The following MOV10L1 variants were observed in gnomAD, a reference collection of about 807,000 sequenced individuals.
The protein encoded by MOV10L1 is Mov10 like RNA helicase 1.
MOV10L1 carries 110 observed loss-of-function variants against 143.8 expected under a neutral mutation model. The ratio of observed to expected loss-of-function variants is 0.76; its 90% CI spans 0.66 to 0.90. MOV10L1 has a LOEUF of 0.90. Among genes scored for constraint, MOV10L1 ranks in the 40% least tolerant of loss-of-function variants. The probability of loss-of-function intolerance (pLI) is 0.00; values close to 1 mark genes in which losing one functional copy is unlikely to be tolerated. For synonymous variants in MOV10L1, 593 were observed against 581.1 expected (o/e 1.02, Z -0.29); for missense variants, 1,406 against 1,526.8 (o/e 0.92, Z 1.32).
intron 13 of MOV10L1, among the ~76,000 whole-genome samples, chr22:50,131,172 T>G (rs2062667930): frequency 6.6e-6 from 1 of 151,768 alleles, no homozygotes. Flanking sequence ...CCTCCCAAAG[T>G]GCTGGGATTA....
Position 50,090,070 on chromosome 22 carries a change from C to CGGG in MOV10L1, c.-19_-18insGGG. ...GCGGCGGCAGCGGCGGTGACGGCAGCCTAGGCCGGGCGAGGGCCATGCTGA... is the reference window on the plus strand; with the variant it reads ...GCGGCGGCAGCGGCGGTGACGGCAGCGGGCTAGGCCGGGCGAGGGCCATGCTGA... On this transcript the variant is annotated 5_prime_UTR_variant, in exon 1 of 27. Coordinates refer to ENST00000262794, the MANE Select transcript of MOV10L1 (RefSeq NM_018995.3). 1 of 1,231,564 alleles carries CGGG rather than the reference C, an allele frequency of 8.1e-7. No homozygotes were observed. 76.3% of individuals were successfully genotyped at this position (1,231,564 alleles called of 1,614,324 possible). A position where few individuals can be genotyped will look rare whatever the true frequency, so the allele number is the denominator to read the frequency against.
chr22:50,095,400 T>C (rs892708210), intron 2 of MOV10L1: 2 of 152,230 alleles, frequency 1.3e-5, no homozygotes, highest in Non-Finnish European at 2.9e-5. Flanking sequence ...AATTATTTAA[T>C]TATATTTTTT....
At chr22:50,118,364 A>G (rs1018864131) in intron 9 of MOV10L1, among the ~76,000 whole-genome samples, 4 of 152,158 alleles carry the variant, frequency 2.6e-5, no homozygotes, top group African/African-American at 9.7e-5. Flanking sequence ...TCAGACATGT[A>G]AAATGTGCAG....
chr22:50,140,729 C>CTTTTTT (rs3042026), intron 15 of MOV10L1, among the ~76,000 whole-genome samples: 1 of 147,670 alleles, frequency 6.8e-6, no homozygotes, highest in Non-Finnish European at 1.5e-5. Flanking sequence ...TAACGTGAAA[C>CTTTTTT]TTTTTTTTTT....
Position 50,108,760 on chromosome 22 carries a change from G to A in MOV10L1, c.659G>A (p.Gly220Asp), listed in dbSNP as rs1481947251. The A allele has an allele frequency of 6.2e-7, 1 of 1,614,196 alleles. No homozygotes were observed. The highest frequency in any genetic ancestry group is 1.1e-5 in the South Asian group (1 of 91,082). The change falls in exon 5 of 27, where the codon GGT becomes GAT. Residue 220 changes from glycine (G) to aspartate (D), a missense_variant. Physicochemically the swap from Gly to Asp is moderately conservative, Grantham distance 94. This residue lies in a region of MOV10L1 where 1,233 missense variants were observed against 1,351.4 expected (regional missense o/e 0.91). Transcript: ENST00000262794. ...CCAGATGGGTACACACCCCGGAGAG[G>A]TGACGTGGTCAATGCAGTGGTGGTG... Reference protein sequence around the residue: ...KLPDGYTPRRGDVVNAVVVES... With the variant: ...KLPDGYTPRRDDVVNAVVVES...
chr22:50,154,402 A>T (rs4838854), intron 22 of MOV10L1, among the ~76,000 whole-genome samples: 415 of 147,130 alleles, frequency 2.8e-3, no homozygotes, highest in African/African-American at 5.7e-3. Context: ...TTAAAAAAAA[A>T]TTTTTTTTTT....
intron 5 of MOV10L1, 78 bp from the exon 6 acceptor site, chr22:50,113,570 C>G: frequency 6.4e-7 from 1 of 1,551,838 alleles, no homozygotes; most frequent in Admixed American, 1.9e-5. Flanking sequence ...CACCAGCAGT[C>G]TATCCTCAGG....
chr22:50,114,767 C>T, intron 7 of MOV10L1, 145 bp downstream of exon 7: 1 of 1,254,624 alleles, frequency 8.0e-7, no homozygotes, highest in Non-Finnish European at 1.1e-6. Context: ...GGCTTCAGGC[C>T]CTTCTCTTGC....
At chr22:50,126,300 G>T (rs1405441744) in intron 12 of MOV10L1, 28 bp downstream of exon 12, 2 of 1,550,124 alleles carry the variant, frequency 1.3e-6, no homozygotes, top group Non-Finnish European at 1.8e-6. Flanking sequence ...TAATGAGTTT[G>T]TGTTAGACAC....
intron 10 of MOV10L1, among the ~76,000 whole-genome samples, chr22:50,120,962 C>G (rs1273628956): frequency 6.6e-6 from 1 of 152,214 alleles, no homozygotes. Context: ...GTGTTCTAGC[C>G]TTTTACCATC....
chr22:50,110,020 G>T (rs181875105), intron 5 of MOV10L1, among the ~76,000 whole-genome samples: 1 of 152,018 alleles, frequency 6.6e-6, no homozygotes, highest in Non-Finnish European at 1.5e-5. Flanking sequence ...GTGGTGGCAG[G>T]CACCTGTAAT....
chr22:50,099,373 A>C (rs2062677840), intron 2 of MOV10L1, 70 bp from the exon 3 acceptor site: 1 of 1,538,304 alleles, frequency 6.5e-7, no homozygotes, highest in Admixed American at 1.8e-5. Flanking sequence ...TCAGACAGGC[A>C]TGCCAGCCTG....
chr22:50,122,899 T>C (rs937934116), intron 10 of MOV10L1, among the ~76,000 whole-genome samples: 52 of 152,052 alleles, frequency 3.4e-4, no homozygotes, highest in African/African-American at 1.2e-3. Flanking sequence ...CGGCTAACTT[T>C]TGTATATCAT....
Position 50,161,009 on chromosome 22 carries a change from G to A in MOV10L1, c.3508G>A (p.Val1170Ile). The A allele has an allele frequency of 6.2e-7, 1 of 1,614,166 alleles. No individual in the cohort carries two copies. Among genetic ancestry groups the A allele is most frequent in the Non-Finnish European group, 8.5e-7 (1 of 1,180,026 alleles). Residue 1170 changes from valine to isoleucine, a missense_variant, in exon 26 of 27, where the codon GTT (valine) becomes ATT (isoleucine). By Grantham distance (29) the Val-to-Ile change is conservative. Transcript: ENST00000262794. The part of the protein sequence containing the change: ...ALLEYSITNG[V>I]YMGCDLPPAL... The stretch of plus-strand genomic sequence containing the variant: ...GCTGGAATACAGTATTACAAACGGT[G>A]TTTACATGGGATGCGATTTACCTCC...
rs754722256 is a variant in MOV10L1, at chr22:50,153,204, T to C, written c.3052T>C (p.Phe1018Leu). 1.2e-6 allele frequency: 2 copies of C among 1,613,724 alleles called. No individual in the cohort carries two copies. Among genetic ancestry groups the C allele is most frequent in the South Asian group, 1.1e-5 (1 of 91,058 alleles). ...GCCTAAGAAAGGCTTCCCTCTCATC[T>C]TCCATGGTGTGCGGGTGAGTTGTGT... ...KLPKKGFPLI[F>L]HGVRGSEARE... Residue 1018 changes from phenylalanine to leucine, a missense_variant, in exon 22 of 27, where the codon TTC becomes CTC. This residue lies in a region of MOV10L1 where 1,233 missense variants were observed against 1,351.4 expected (regional missense o/e 0.91). Coordinates refer to ENST00000262794, the MANE Select transcript of MOV10L1 (RefSeq NM_018995.3).
rs576396957 is a variant in MOV10L1, at chr22:50,144,923, T to C, written c.2505+680T>C. ...TTCCTTTAAGTTGCTGGTTTGGTTATAGAGCGAAGTATTGCTTTTATTTTT... is the reference window on the plus strand; with the variant it reads ...TTCCTTTAAGTTGCTGGTTTGGTTACAGAGCGAAGTATTGCTTTTATTTTT... On this transcript the variant is annotated intron_variant, in intron 18 of 26. Coordinates refer to ENST00000262794, the MANE Select transcript of MOV10L1 (RefSeq NM_018995.3). 3.3e-5 allele frequency among the ~76,000 whole-genome samples: 5 copies of C among 152,156 alleles called. No individual in the cohort carries two copies. In the East Asian group the frequency reaches 7.8e-4, roughly 24 times the overall value.
chr22:50,141,121 G>T (rs542325947), intron 15 of MOV10L1, among the ~76,000 whole-genome samples: 80 of 152,016 alleles, frequency 5.3e-4, no homozygotes, highest in African/African-American at 1.9e-3. Flanking sequence ...CACGATCTTG[G>T]CTCACTGCAG....
intron 5 of MOV10L1, among the ~76,000 whole-genome samples, chr22:50,110,429 A>C (rs551138233): frequency 5.8e-4 from 88 of 151,686 alleles, no homozygotes; most frequent in Non-Finnish European, 9.7e-4. Context: ...AGCCTGCACA[A>C]CAGAGTGACA....
At chr22:50,126,340 T>C in intron 12 of MOV10L1, 68 bp downstream of exon 12, 8 of 1,211,266 alleles carry the variant, frequency 6.6e-6, no homozygotes, top group Non-Finnish European at 9.7e-6. Context: ...AAGGTAACGT[T>C]CTCCCCACGG....
Sources: allele counts gnomAD v4.1 joint callset (sites outside exome capture counted in the v4.1 genomes callset), GRCh38; gene constraint gnomAD v4.1.1; regional missense constraint gnomAD v4.1.1; transcripts MANE v1.5; gene names NCBI Gene and HGNC (gene_info 2026-07-23, HGNC 2026-07-21).